PCYT1B: variants seen among roughly 807,000 people sequenced by gnomAD.
The protein encoded by PCYT1B is choline-phosphate cytidylyltransferase B.
PCYT1B carries 10 observed loss-of-function variants against 26.4 expected under a neutral mutation model. The ratio of observed to expected loss-of-function variants is 0.38; its 90% CI spans 0.23 to 0.64. PCYT1B has a LOEUF of 0.64. Among genes scored for constraint, PCYT1B ranks in the 30% least tolerant of loss-of-function variants. The pLI is 0.56. For missense variants in PCYT1B, 161 were observed against 292.7 expected (o/e 0.55, Z 3.28); for synonymous variants, 131 against 108.4 (o/e 1.21, Z -1.29).
At chrX:24,635,431 A>G (rs950554886) in intron 1 of PCYT1B, among the ~76,000 whole-genome samples, 4 of 112,437 alleles carry the variant, frequency 3.6e-5, no homozygotes, top group Admixed American at 9.5e-5. Flanking sequence ...TTTGCAATAT[A>G]CTTGGATAGA....
chrX:24,648,449 A>ATTTTTTTTTTTTTTTTTTTT (rs57744798), upstream of PCYT1B, among the ~76,000 whole-genome samples: 6 of 39,717 alleles, frequency 1.5e-4, 1 homozygote, highest in African/African-American at 8.4e-4. Flanking sequence ...ATTTGAAGGA[A>ATTTTTTTTTTTTTTTTTTTT]TTTTTTTTTT....
intron 2 of PCYT1B, among the ~76,000 whole-genome samples, chrX:24,614,143 C>A (rs1925407141): frequency 9.0e-6 from 1 of 111,131 alleles, no homozygotes; most frequent in South Asian, 3.8e-4. Flanking sequence ...CACAGCTGGA[C>A]TAGCTAAGAC....
chrX:24,642,055 G>A (rs377715406), intron 1 of PCYT1B, among the ~76,000 whole-genome samples: 8 of 113,132 alleles, frequency 7.1e-5, no homozygotes, highest in African/African-American at 2.6e-4. Context: ...ATAAAAAATA[G>A]CTTTTAAGAA....
Position 24,562,250 on chromosome X carries a change from C to T in PCYT1B, c.*43G>A, listed in dbSNP as rs1190810864. ...CAGGCAACCCTGTGACTCTCGCCCT[C>T]CTCCCCATCCTGCATGGTGCGGCTC... On this transcript the variant is annotated 3_prime_UTR_variant, in exon 8 of 8. Transcript: ENST00000379144. 6 of 1,165,297 alleles carry T rather than the reference C, an allele frequency of 5.1e-6. No homozygotes were observed. Among genetic ancestry groups the T allele is most frequent in the Non-Finnish European group, 6.9e-6 (6 of 870,970 alleles).
intron 3 of PCYT1B, among the ~76,000 whole-genome samples, chrX:24,605,919 TG>T (rs1337731276): frequency 3.7e-5 from 4 of 109,002 alleles, no homozygotes; most frequent in Non-Finnish European, 7.6e-5. Context: ...CCCGGCATGG[TG>T]GCACGCGCCT....
rs778079547 is a variant in PCYT1B at position 24,607,773 on chromosome X, C to T, written c.306G>A (p.Leu102=). 10 of 1,183,536 alleles carry T rather than the reference C, an allele frequency of 8.4e-6. No homozygotes were observed. In the South Asian group the frequency reaches 1.6e-4, roughly 19 times the overall value. The part of the protein sequence containing the change: ...HARALMQAKT[L]FPNSYLLVGV... ...CTACCAACAAGTAGCTGTTGGGAAACAGTGTTTTTGCTTGCATAAGGGCTC... is the reference window on the plus strand; with the variant it reads ...CTACCAACAAGTAGCTGTTGGGAAATAGTGTTTTTGCTTGCATAAGGGCTC... Residue 102 remains leucine (L), a synonymous_variant, in exon 3 of 8, where the codon CTG becomes CTA. Coordinates refer to ENST00000379144, the MANE Select transcript of PCYT1B (RefSeq NM_004845.5).
chrX:24,651,959 AC>A (rs1926792837), upstream of PCYT1B, among the ~76,000 whole-genome samples: 1 of 111,622 alleles, frequency 9.0e-6, no homozygotes, highest in Admixed American at 9.6e-5. Context: ...GTGAGAGGAA[AC>A]AAAAAAGCTG....
chrX:24,632,937 C>T (rs972234520), intron 1 of PCYT1B, among the ~76,000 whole-genome samples: 3 of 111,581 alleles, frequency 2.7e-5, no homozygotes, highest in Middle Eastern at 4.6e-3. Context: ...TGGCCGGGCA[C>T]GGTGGCTCAC....
chrX:24,606,864 T>TCAAA (rs59381770), intron 3 of PCYT1B, among the ~76,000 whole-genome samples: 11 of 108,281 alleles, frequency 1.0e-4, no homozygotes, highest in Admixed American at 2.0e-4. Flanking sequence ...AGATTCCGTC[T>TCAAA]CAAACAAACA....
At chrX:24,666,836 C>T (rs1052638337) in intron 1 of PCYT1B, among the ~76,000 whole-genome samples, 7 of 111,233 alleles carry the variant, frequency 6.3e-5, no homozygotes, top group African/African-American at 1.6e-4. Context: ...GGCTCCAAGT[C>T]CTTGAGAATA....
intron 2 of PCYT1B, 136 bp from the exon 3 acceptor site, chrX:24,607,997 A>G: frequency 2.3e-6 from 1 of 430,209 alleles, no homozygotes; most frequent in Non-Finnish European, 4.1e-6. Context: ...CACGAAATTG[A>G]TTTTAAAGGG....
chrX:24,612,030 G>C, intron 2 of PCYT1B, among the ~76,000 whole-genome samples: 1 of 112,351 alleles, frequency 8.9e-6, no homozygotes, highest in Non-Finnish European at 1.9e-5. Flanking sequence ...CTTGCTAGCA[G>C]ACTTACTGTC....
At chrX:24,621,728 A>G (rs1341983468) in intron 1 of PCYT1B, 1 of 178,892 alleles carries the variant, frequency 5.6e-6, no homozygotes, top group African/African-American at 3.1e-5. Flanking sequence ...TTAATGATTC[A>G]TTACCTTTTA....
Position 24,670,398 on chromosome X carries a change from T to C in PCYT1B, c.63+2172A>G, listed in dbSNP as rs180861275. ...TATTTAGCAGCAATGCTTGTAACTATTGGCTGTTAAGTAACTCCACCAGCA... is the reference window on the plus strand; with the variant it reads ...TATTTAGCAGCAATGCTTGTAACTACTGGCTGTTAAGTAACTCCACCAGCA... On this transcript the variant is annotated intron_variant, in intron 1 of 7. Transcript: ENST00000379145. 1.3e-3 allele frequency among the ~76,000 whole-genome samples: 150 copies of C among 112,585 alleles called. 1 individual carries two copies. The highest frequency in any genetic ancestry group is 4.6e-3 in the African/African-American group (143 of 31,046).
intron 1 of PCYT1B, among the ~76,000 whole-genome samples, chrX:24,633,996 T>C (rs1209913157): frequency 9.0e-6 from 1 of 111,365 alleles, no homozygotes; most frequent in Non-Finnish European, 1.9e-5. Flanking sequence ...CCATCACCAC[T>C]CACTGCGCCC....
At chrX:24,651,465 AAAAAAAAATATATATAT>A (rs1295822977), upstream of PCYT1B, among the ~76,000 whole-genome samples, 16 of 28,253 alleles carry the variant, frequency 5.7e-4, 1 homozygote, top group African/African-American at 1.9e-3. Context: ...AAAAAAAAAA[AAAAAAAAATATATATAT>A]ATATATATAT....
chrX:24,595,873 C>A (rs1191199772), intron 3 of PCYT1B, among the ~76,000 whole-genome samples: 1 of 102,182 alleles, frequency 9.8e-6, no homozygotes, highest in Non-Finnish European at 2.0e-5. Context: ...AGAGTGAGAC[C>A]CTGTCTCAAA....
chrX:24,664,353 T>C (rs1927084802), intron 1 of PCYT1B, among the ~76,000 whole-genome samples: 1 of 111,864 alleles, frequency 8.9e-6, no homozygotes, highest in South Asian at 3.8e-4. Flanking sequence ...TCAGGAGAAA[T>C]TCGAAATGTG....
At chrX:24,639,183 C>T (rs986848350) in intron 1 of PCYT1B, among the ~76,000 whole-genome samples, 2 of 112,550 alleles carry the variant, frequency 1.8e-5, no homozygotes, top group Non-Finnish European at 3.8e-5. Context: ...TCAAACAGAA[C>T]ATACTGCAGT....
Sources: allele counts gnomAD v4.1 joint callset (sites outside exome capture counted in the v4.1 genomes callset), GRCh38; gene constraint gnomAD v4.1.1; transcripts MANE v1.5; gene names NCBI Gene and HGNC (gene_info 2026-07-23, HGNC 2026-07-21).